The following CADPS variants were observed in gnomAD, a reference collection of about 807,000 sequenced individuals.
CADPS encodes the protein calcium-dependent secretion activator 1.
In CADPS, 57 loss-of-function variants were observed where a neutral mutation model predicts 167.3. That is an observed-to-expected ratio of 0.34 (90% confidence interval 0.28 to 0.42). CADPS has a LOEUF of 0.42. CADPS is among the 20% of genes least tolerant of loss of function. The pLI is 1.00. For synonymous variants in CADPS, 676 were observed against 635.3 expected, an observed-to-expected ratio of 1.06 and a Z score of -0.96; for missense variants, 1,414 against 1,738.1, an observed-to-expected ratio of 0.81 and a Z score of 3.32.
chr3:62,808,442 G>A (rs555987424), intron 1 of CADPS, among the ~76,000 whole-genome samples: 8 of 152,050 alleles, frequency 5.3e-5, no homozygotes, highest in South Asian at 4.2e-4. Flanking sequence ...CAAAGGGTGC[G>A]GTCAAAAAGT....
chr3:62,550,152 AGC>A, intron 10 of CADPS, 37 bp from the exon 11 acceptor site: 1 of 1,541,082 alleles, frequency 6.5e-7, no homozygotes, highest in Non-Finnish European at 9.0e-7. Context: ...TACTAAGCTG[AGC>A]TGTGATGTTC....
intron 1 of CADPS, among the ~76,000 whole-genome samples, chr3:62,839,448 G>A (rs977391796): frequency 6.6e-6 from 1 of 152,090 alleles, no homozygotes; most frequent in Non-Finnish European, 1.5e-5. Context: ...GAAAGTATAT[G>A]CAAAGGTCAA....
At chr3:62,742,070 G>A (rs2080381246) in intron 3 of CADPS, among the ~76,000 whole-genome samples, 1 of 152,060 alleles carries the variant, frequency 6.6e-6, no homozygotes, top group Non-Finnish European at 1.5e-5. Flanking sequence ...AGCTAACTAG[G>A]GGGTGAAAGA....
intron 26 of CADPS, among the ~76,000 whole-genome samples, chr3:62,463,597 A>G (rs2059623245): frequency 6.6e-6 from 1 of 152,158 alleles, no homozygotes; most frequent in South Asian, 2.1e-4. Context: ...TCTCTCCAGG[A>G]AGCCATTCAG....
intron 1 of CADPS, among the ~76,000 whole-genome samples, chr3:62,800,331 A>C (rs2093687076): frequency 6.6e-6 from 1 of 152,158 alleles, no homozygotes; most frequent in South Asian, 2.1e-4. Flanking sequence ...TTTTGGGTGA[A>C]AAAAATGTTG....
At chr3:62,611,979 A>T (rs950384002) in intron 6 of CADPS, among the ~76,000 whole-genome samples, 1 of 152,174 alleles carries the variant, frequency 6.6e-6, no homozygotes, top group Non-Finnish European at 1.5e-5. Context: ...TCTGTGGAGG[A>T]CAAGGACTCT....
At chr3:62,820,901 A>C (rs905972272) in intron 1 of CADPS, among the ~76,000 whole-genome samples, 4 of 151,466 alleles carry the variant, frequency 2.6e-5, no homozygotes, top group African/African-American at 9.7e-5. Flanking sequence ...CCCAGGTTCA[A>C]GCCATTCTCC....
Position 62,532,901 on chromosome 3 carries a change from G to A in CADPS, c.2261C>T (p.Ala754Val). ...CCCATGGACATGGGATGCACAGAAG[G>A]CAAAGCTGTAGTGAAGAAGGGTGGG... ...IDPTLLHYSF[A>V]FCASHVHGNR... Residue 754 changes from alanine (A) to valine (V), a missense_variant, in exon 13 of 30, where the codon GCC becomes GTC. Around this residue, in one of 6 missense-constraint regions of CADPS, gnomAD observed 529 missense variants for 629.6 expected, o/e 0.84. Coordinates refer to ENST00000383710, the MANE Select transcript of CADPS (RefSeq NM_003716.4). The A allele has an allele frequency of 6.2e-7, 1 of 1,613,670 alleles. No individual in the cohort carries two copies. Among genetic ancestry groups the A allele is most frequent in the Non-Finnish European group, 8.5e-7 (1 of 1,179,774 alleles).
intron 2 of CADPS, among the ~76,000 whole-genome samples, chr3:62,764,658 A>G (rs948357811): frequency 1.3e-5 from 2 of 152,238 alleles, no homozygotes; most frequent in Non-Finnish European, 2.9e-5. Context: ...GAGTTTTGCC[A>G]TATCAGGATT....
chr3:62,616,273 T>G (rs935472974), intron 6 of CADPS, among the ~76,000 whole-genome samples: 5 of 152,186 alleles, frequency 3.3e-5, no homozygotes, highest in Non-Finnish European at 7.3e-5. Context: ...AACATGAAAA[T>G]TCAGAGCTGT....
At chr3:62,770,305 T>C (rs2088264612) in intron 1 of CADPS, among the ~76,000 whole-genome samples, 1 of 152,220 alleles carries the variant, frequency 6.6e-6, no homozygotes, top group Non-Finnish European at 1.5e-5. Context: ...AACCTGAGCA[T>C]TTCCTGCACA....
chr3:62,659,124 G>A (rs1404049914), intron 4 of CADPS, among the ~76,000 whole-genome samples: 2 of 152,104 alleles, frequency 1.3e-5, no homozygotes, highest in East Asian at 3.9e-4. Context: ...AGTTACATAT[G>A]ATGGATGACA....
chr3:62,645,874 A>G (rs887810891), intron 5 of CADPS, 31 bp from the exon 6 acceptor site: 1 of 1,613,344 alleles, frequency 6.2e-7, no homozygotes, highest in East Asian at 2.2e-5. Context: ...AATGGAGGTT[A>G]TTGGCAAGGC....
intron 3 of CADPS, among the ~76,000 whole-genome samples, chr3:62,716,921 G>A (rs1345829981): frequency 6.6e-5 from 10 of 152,134 alleles, no homozygotes; most frequent in African/African-American, 2.2e-4. Flanking sequence ...TAAGATCAAC[G>A]TTAGGAAGGC....
chr3:62,789,650 A>G (rs2092763191), intron 1 of CADPS, among the ~76,000 whole-genome samples: 1 of 152,228 alleles, frequency 6.6e-6, no homozygotes, highest in African/African-American at 2.4e-5. Context: ...TTCCAGAGAT[A>G]TTCAACAACA....
At chr3:62,774,755 T>C (rs2089846689) in intron 1 of CADPS, among the ~76,000 whole-genome samples, 1 of 152,182 alleles carries the variant, frequency 6.6e-6, no homozygotes, top group Admixed American at 6.5e-5. Flanking sequence ...TTCAATCTGT[T>C]GTGAAATGCC....
At chr3:62,847,430 C>G (rs1471994415) in intron 1 of CADPS, among the ~76,000 whole-genome samples, 1 of 28,376 alleles carries the variant, frequency 3.5e-5, no homozygotes, top group African/African-American at 1.5e-4. Context: ...CCTCCCCCCT[C>G]CCCCCACCCC....
At chr3:62,787,752 A>G (rs2092592718) in intron 1 of CADPS, among the ~76,000 whole-genome samples, 1 of 152,216 alleles carries the variant, frequency 6.6e-6, no homozygotes, top group Non-Finnish European at 1.5e-5. Flanking sequence ...TGGCTTGTCT[A>G]AGCCTCAGTT....
At chr3:62,635,780 C>A (rs986946526) in intron 6 of CADPS, among the ~76,000 whole-genome samples, 3 of 152,028 alleles carry the variant, frequency 2.0e-5, no homozygotes, top group Admixed American at 6.6e-5. Flanking sequence ...AAGAGGTTTT[C>A]AAGCCCATCA....
Sources: allele counts gnomAD v4.1 joint callset (sites outside exome capture counted in the v4.1 genomes callset), GRCh38; gene constraint gnomAD v4.1.1; regional missense constraint gnomAD v4.1.1; transcripts MANE v1.5; gene names NCBI Gene and HGNC (gene_info 2026-07-23, HGNC 2026-07-21).